The following SUMF1 variants were observed in gnomAD, a reference collection of about 807,000 sequenced individuals.
SUMF1 encodes the protein sulfatase modifying factor 1, also known as formylglycine-generating enzyme.
Under a neutral mutation model 47.6 loss-of-function variants are expected in SUMF1, and 48 were observed. That is an observed-to-expected ratio of 1.01 (90% CI 0.80 to 1.28). SUMF1 has a LOEUF of 1.28. Ranked by LOEUF, SUMF1 falls within the 50% of genes most tolerant of loss-of-function variation. SUMF1 has a pLI of 0.00. For synonymous variants in SUMF1, 230 were observed against 192.1 expected (o/e 1.20, Z -1.63); for missense variants, 571 against 485.4 (o/e 1.18, Z -1.66).
At chr3:4,460,629 T>A (rs199934330) in intron 1 of SUMF1, among the ~76,000 whole-genome samples, 2 of 140,784 alleles carry the variant, frequency 1.4e-5, no homozygotes, top group South Asian at 2.2e-4. Flanking sequence ...TGTGTGAGAG[T>A]GTGTGTGTGT....
chr3:4,284,835 A>T (rs573944967), intron 8 of SUMF1, among the ~76,000 whole-genome samples: 1 of 152,210 alleles, frequency 6.6e-6, no homozygotes, highest in South Asian at 2.1e-4. Flanking sequence ...GCTAAGATAA[A>T]GGGATTATTT....
intron 8 of SUMF1, among the ~76,000 whole-genome samples, chr3:4,074,174 G>A (rs1692357796): frequency 1.3e-5 from 2 of 152,014 alleles, no homozygotes; most frequent in Admixed American, 6.5e-5. Flanking sequence ...TAGAACTCTG[G>A]ATTAAGAAAC....
At position 4,103,122 on chromosome 3, in the gene SUMF1, T is replaced by C. The variant is rs566772624; in HGVS notation, c.1015-34377A>G. The stretch of plus-strand genomic sequence containing the variant: ...ATTTTTACTAGAGATGGGGTTTCCC[T>C]ATGTTGGCCAGGCTGATCTCGAACT... On this transcript the variant is annotated intron_variant and NMD_transcript_variant, in intron 8 of 12. Transcript: ENST00000448413. 3.3e-5 allele frequency among the ~76,000 whole-genome samples: 5 copies of C among 151,558 alleles called. No homozygotes were observed. In the South Asian group the frequency reaches 1.0e-3, roughly 32 times the overall value.
chr3:4,316,684 A>G (rs1286594489), intron 8 of SUMF1: 12 of 1,551,034 alleles, frequency 7.7e-6, no homozygotes, highest in Non-Finnish European at 1.0e-5. Context: ...TGTGATGAAA[A>G]GTGGATTTTA....
intron 8 of SUMF1, among the ~76,000 whole-genome samples, chr3:4,318,690 C>G (rs1698749268): frequency 6.6e-6 from 1 of 152,148 alleles, no homozygotes; most frequent in Non-Finnish European, 1.5e-5. Flanking sequence ...GACAGATCAC[C>G]TGAGGTCAGG....
chr3:4,379,010 C>T (rs1700414818), intron 7 of SUMF1, among the ~76,000 whole-genome samples: 1 of 152,232 alleles, frequency 6.6e-6, no homozygotes, highest in African/African-American at 2.4e-5. Context: ...GTAGTAATGA[C>T]AGTCATCCCA....
Position 4,453,062 on chromosome 3 carries a change from G to A in SUMF1, c.271-13C>T, listed in dbSNP as rs1232806376. 5.0e-6 allele frequency: 8 copies of A among 1,608,912 alleles called. No homozygotes were observed. Among genetic ancestry groups the A allele is most frequent in the Non-Finnish European group, 6.8e-6 (8 of 1,178,618 alleles). Reference sequence around the variant, plus strand: ...GGATGGGGACCATCTACAATGAAAGGTGAAACACAGGAAGTCATGCATCAC... The same window carrying A: ...GGATGGGGACCATCTACAATGAAAGATGAAACACAGGAAGTCATGCATCAC... On this transcript the variant is annotated splice_polypyrimidine_tract_variant and intron_variant, in intron 1 of 8. Transcript: ENST00000272902.
chr3:4,340,104 T>C (rs62259856), intron 8 of SUMF1, among the ~76,000 whole-genome samples: 19,995 of 136,016 alleles, frequency 0.15, 1,518 homozygotes, highest in Middle Eastern at 0.24. Flanking sequence ...GGCACCAATG[T>C]GCACACACAC....
chr3:4,043,555 C>T (rs148873093), intron 9 of SUMF1, among the ~76,000 whole-genome samples: 104 of 152,158 alleles, frequency 6.8e-4, no homozygotes, highest in African/African-American at 2.0e-3. Context: ...TCTCCAGGCG[C>T]GAATTTACCA....
intron 8 of SUMF1, among the ~76,000 whole-genome samples, chr3:4,084,325 GT>G (rs1692627933): frequency 1.3e-5 from 2 of 152,120 alleles, no homozygotes; most frequent in Admixed American, 1.3e-4. Context: ...AGGAGTAGAT[GT>G]TTTGAGAAAT....
At chr3:4,218,204 C>G (rs1022564884) in intron 8 of SUMF1, among the ~76,000 whole-genome samples, 2 of 151,882 alleles carry the variant, frequency 1.3e-5, no homozygotes, top group Non-Finnish European at 2.9e-5. Flanking sequence ...AGAAATCAAC[C>G]CTGTCAACCG....
At chr3:4,051,498 T>C (rs545997512) in intron 9 of SUMF1, among the ~76,000 whole-genome samples, 1 of 152,276 alleles carries the variant, frequency 6.6e-6, no homozygotes, top group South Asian at 2.1e-4. Context: ...AATATTATTG[T>C]ATTCCCACTC....
chr3:4,333,572 A>G (rs892125878), intron 8 of SUMF1, among the ~76,000 whole-genome samples: 3 of 152,192 alleles, frequency 2.0e-5, no homozygotes, highest in South Asian at 2.1e-4. Context: ...TGGGTCCCCA[A>G]AAAGAAGCAA....
chr3:4,289,609 C>T (rs1217972652), intron 8 of SUMF1, among the ~76,000 whole-genome samples: 1 of 152,154 alleles, frequency 6.6e-6, no homozygotes, highest in African/African-American at 2.4e-5. Flanking sequence ...CAAGGAACCC[C>T]CTCCATACTC....
At chr3:4,135,574 T>C (rs985424376) in intron 8 of SUMF1, among the ~76,000 whole-genome samples, 5 of 152,142 alleles carry the variant, frequency 3.3e-5, no homozygotes, top group African/African-American at 1.2e-4. Flanking sequence ...AAGACAGGGA[T>C]GCCCTCTGTC....
At chr3:4,424,828 A>G (rs567902856) in intron 3 of SUMF1, among the ~76,000 whole-genome samples, 1 of 152,254 alleles carries the variant, frequency 6.6e-6, no homozygotes, top group Non-Finnish European at 1.5e-5. Flanking sequence ...ACATAAGCGA[A>G]GGATCAGGAG....
chr3:4,104,717 C>A (rs953775135), intron 8 of SUMF1, among the ~76,000 whole-genome samples: 1 of 151,832 alleles, frequency 6.6e-6, no homozygotes, highest in Non-Finnish European at 1.5e-5. Context: ...CAGCCCCTAC[C>A]AATTCCCCTG....
At chr3:4,429,662 A>T (rs571612702) in intron 3 of SUMF1, among the ~76,000 whole-genome samples, 1 of 152,330 alleles carries the variant, frequency 6.6e-6, no homozygotes, top group African/African-American at 2.4e-5. Flanking sequence ...GAGATGATCT[A>T]CTTCCTACTT....
At chr3:4,282,269 T>A (rs903827737) in intron 8 of SUMF1, among the ~76,000 whole-genome samples, 1 of 152,084 alleles carries the variant, frequency 6.6e-6, no homozygotes, top group African/African-American at 2.4e-5. Context: ...TTCAGATGAA[T>A]ACAAGGGAAA....
Sources: gnomAD v4.1 joint callset for allele counts (sites outside exome capture counted in the v4.1 genomes callset) on GRCh38, gnomAD v4.1.1 for gene constraint, MANE v1.5 for transcripts, NCBI Gene and HGNC (gene_info 2026-07-23, HGNC 2026-07-21) for gene names.